RNF152: variants seen among roughly 807,000 people sequenced by gnomAD.
The protein encoded by RNF152 is E3 ubiquitin-protein ligase RNF152.
In RNF152, 11 loss-of-function variants were observed where a neutral mutation model predicts 12.7. The observed-to-expected ratio is 0.86, with a 90% CI of 0.54 to 1.43. The LOEUF is 1.43. Among genes scored for constraint, RNF152 ranks in the 40% most tolerant of loss-of-function variants. The pLI is 0.00. For missense variants in RNF152, 255 were observed against 274.8 expected (o/e 0.93, Z 0.51); for synonymous variants, 113 against 120.3 (o/e 0.94, Z 0.40).
intron 1 of RNF152, among the ~76,000 whole-genome samples, chr18:61,880,075 G>A (rs1251850448): frequency 1.3e-5 from 2 of 152,008 alleles, no homozygotes; most frequent in East Asian, 3.8e-4. Flanking sequence ...ATACACTGGT[G>A]TTCAATTAAG....
In RNF152 at chr18:61,815,991, C is replaced by A. The variant is rs1479729972; in HGVS notation, c.473G>T (p.Arg158Leu). Residue 158 changes from arginine (R) to leucine (L), a missense_variant, in exon 2 of 2, where the codon CGG becomes CTG. Physicochemically the swap from Arg to Leu is moderately radical, Grantham distance 102 (BLOSUM62 -2). Transcript: ENST00000312828. Reference protein sequence around the residue: ...QEAVEEEQDRRGVVKSSTWSG... With the variant: ...QEAVEEEQDRLGVVKSSTWSG... ...CCAGGTGGAGCTTTTCACCACGCCC[C>A]GCCTGTCCTGCTCCTCCTCCACCGC... 2.8e-5 allele frequency: 45 copies of A among 1,614,078 alleles called. No homozygotes were observed. The highest frequency in any genetic ancestry group is 3.7e-5 in the Non-Finnish European group (44 of 1,180,040).
At chr18:61,885,042 C>T (rs1912625394) in intron 1 of RNF152, among the ~76,000 whole-genome samples, 1 of 152,152 alleles carries the variant, frequency 6.6e-6, no homozygotes, top group South Asian at 2.1e-4. Context: ...GTTAAGGACA[C>T]CTCTTTACCT....
intron 1 of RNF152, among the ~76,000 whole-genome samples, chr18:61,862,086 C>T (rs1254964187): frequency 6.6e-6 from 1 of 152,136 alleles, no homozygotes; most frequent in African/African-American, 2.4e-5. Flanking sequence ...CATTCTAATT[C>T]AGGTCCTAAG....
At chr18:61,863,191 T>G (rs561812168) in intron 1 of RNF152, among the ~76,000 whole-genome samples, 27 of 152,096 alleles carry the variant, frequency 1.8e-4, no homozygotes, top group African/African-American at 6.5e-4. Context: ...ATCCCAGCAT[T>G]TGGAAGGCCG....
chr18:61,819,379 C>T (rs1038721550), intron 1 of RNF152, among the ~76,000 whole-genome samples: 1 of 152,170 alleles, frequency 6.6e-6, no homozygotes, highest in African/African-American at 2.4e-5. Flanking sequence ...AATGGGAAAA[C>T]ACCAGAAAGG....
intron 1 of RNF152, among the ~76,000 whole-genome samples, chr18:61,880,232 T>A (rs1314344590): frequency 1.3e-5 from 2 of 152,142 alleles, no homozygotes; most frequent in Admixed American, 1.3e-4. Context: ...ATTCTCTAAG[T>A]CAACATCAAA....
At chr18:61,867,755 G>A (rs1188237314) in intron 1 of RNF152, among the ~76,000 whole-genome samples, 1 of 151,998 alleles carries the variant, frequency 6.6e-6, no homozygotes, top group Admixed American at 6.6e-5. Context: ...TACCAGCAAT[G>A]CAGCAGGAAA....
Position 61,812,272 on chromosome 18 carries a change from G to T in RNF152, c.*3580C>A, listed in dbSNP as rs1441930078. On this transcript the variant is annotated 3_prime_UTR_variant, in exon 2 of 2. Transcript: ENST00000312828. ...ATTTTAACTGCCTAAAAGTCAATGT[G>T]CCTGGTGGCTACCGTACCAGACGGC... The T allele has an allele frequency of 6.6e-6, 1 of 152,122 alleles. No homozygotes were observed. The highest frequency in any genetic ancestry group is 6.5e-5 in the Admixed American group (1 of 15,274). The allele number at this position is 152,122 out of a possible 1,614,324, so 9.4% of individuals were successfully genotyped here. A position where few individuals can be genotyped will look rare whatever the true frequency, so the allele number is the denominator to read the frequency against.
chr18:61,852,397 G>T (rs141622777), intron 1 of RNF152, among the ~76,000 whole-genome samples: 3 of 152,184 alleles, frequency 2.0e-5, no homozygotes, highest in African/African-American at 7.2e-5. Context: ...CTGTGGTGCT[G>T]AACATACTCA....
chr18:61,839,063 A>G (rs1006629219), intron 1 of RNF152, among the ~76,000 whole-genome samples: 1 of 152,160 alleles, frequency 6.6e-6, no homozygotes, highest in Non-Finnish European at 1.5e-5. Flanking sequence ...CCAAAAAAAA[A>G]AAAAAAAAGT....
chr18:61,844,187 AAGGAAGGGAAGG>A (rs1381948595), intron 1 of RNF152, among the ~76,000 whole-genome samples: 1,742 of 58,352 alleles, frequency 0.03, 48 homozygotes, highest in African/African-American at 0.077. Context: ...GAGAGGAAGG[AAGGAAGGGAAGG>A]AGGGAGGGAA....
In RNF152 at chr18:61,813,170, TAAATGCCAGA is replaced by T. The variant is rs1249652761; in HGVS notation, c.*2672_*2681del. On this transcript the variant is annotated 3_prime_UTR_variant, in exon 2 of 2. Coordinates refer to ENST00000312828, the MANE Select transcript of RNF152 (RefSeq NM_173557.3). ...AGATGTGTTTGTTAAGGGTCATTGGTAAATGCCAGAAGAGGCCAGAGCAATGGGATGCCAA... is the reference window on the plus strand; with the variant it reads ...AGATGTGTTTGTTAAGGGTCATTGGTAGAGGCCAGAGCAATGGGATGCCAA... The T allele has an allele frequency of 6.6e-6, 1 of 152,010 alleles. No homozygotes were observed. Among genetic ancestry groups the T allele is most frequent in the African/African-American group, 2.4e-5 (1 of 41,372 alleles). 9.4% of individuals were successfully genotyped at this position (152,010 alleles called of 1,614,324 possible). A position where few individuals can be genotyped will look rare whatever the true frequency, so the allele number is the denominator to read the frequency against.
At chr18:61,841,275 A>G (rs966019145) in intron 1 of RNF152, among the ~76,000 whole-genome samples, 7 of 152,248 alleles carry the variant, frequency 4.6e-5, no homozygotes, top group African/African-American at 1.7e-4. Context: ...CTTTCACTTT[A>G]TCAAGGTGGG....
At chr18:61,870,983 A>C (rs1239508274) in intron 1 of RNF152, among the ~76,000 whole-genome samples, 1 of 152,178 alleles carries the variant, frequency 6.6e-6, no homozygotes, top group Non-Finnish European at 1.5e-5. Flanking sequence ...CCCCATCCTG[A>C]TAATGGCACC....
upstream of RNF152, among the ~76,000 whole-genome samples, chr18:61,893,980 C>A (rs1913097099): frequency 1.3e-5 from 2 of 152,134 alleles, no homozygotes; most frequent in African/African-American, 4.8e-5. Context: ...GCCCCGCCAC[C>A]CCCTCCGCGG....
At chr18:61,822,036 C>T (rs1419914008) in intron 1 of RNF152, among the ~76,000 whole-genome samples, 1 of 152,062 alleles carries the variant, frequency 6.6e-6, no homozygotes, top group East Asian at 1.9e-4. Flanking sequence ...TGTGATACTC[C>T]AATAAAATAC....
Position 61,812,499 on chromosome 18 carries a change from CA to C in RNF152, c.*3352del, listed in dbSNP as rs957818716. ...ATTAAGTATGACTGGAACCAAAAAC[CA>C]AGTTGCCTTTTCATCACAACTTATG... On this transcript the variant is annotated 3_prime_UTR_variant, in exon 2 of 2. Coordinates refer to ENST00000312828, the MANE Select transcript of RNF152 (RefSeq NM_173557.3). 1.3e-4 allele frequency: 20 copies of C among 152,262 alleles called. No homozygotes were observed. Among genetic ancestry groups the C allele is most frequent in the African/African-American group, 4.6e-4 (19 of 41,556 alleles). The allele number at this position is 152,262 out of a possible 1,614,324, so 9.4% of individuals were successfully genotyped here. A position where few individuals can be genotyped will look rare whatever the true frequency, so the allele number is the denominator to read the frequency against.
At chr18:61,854,293 C>T (rs1911119404) in intron 1 of RNF152, among the ~76,000 whole-genome samples, 1 of 152,154 alleles carries the variant, frequency 6.6e-6, no homozygotes, top group Non-Finnish European at 1.5e-5. Context: ...ATTCATTATA[C>T]AGACTACAAT....
intron 1 of RNF152, among the ~76,000 whole-genome samples, chr18:61,839,286 T>C (rs780088872): frequency 6.6e-6 from 1 of 152,188 alleles, no homozygotes; most frequent in Non-Finnish European, 1.5e-5. Flanking sequence ...ACAGGTTGCA[T>C]TTACTTGTCA....
Sources: allele counts gnomAD v4.1 joint callset (sites outside exome capture counted in the v4.1 genomes callset), GRCh38; gene constraint gnomAD v4.1.1; transcripts MANE v1.5; gene names NCBI Gene and HGNC (gene_info 2026-07-23, HGNC 2026-07-21).